The following AP4M1 variants were observed in gnomAD, a reference collection of about 807,000 sequenced individuals.
The protein encoded by AP4M1 is adaptor related protein complex 4 subunit mu 1.
AP4M1 carries 58 observed loss-of-function variants against 62.4 expected under a neutral mutation model. The ratio of observed to expected loss-of-function variants is 0.93; its 90% CI spans 0.75 to 1.16. The LOEUF (loss-of-function observed/expected upper bound fraction) is 1.16. Among genes scored for constraint, AP4M1 ranks in the 50% most tolerant of loss-of-function variants. The probability of loss-of-function intolerance (pLI) is 0.00; values close to 1 mark genes in which losing one functional copy is unlikely to be tolerated. For synonymous variants in AP4M1, 290 were observed against 239.7 expected (o/e 1.21, Z -1.94); for missense variants, 626 against 585.4 (o/e 1.07, Z -0.72).
rs1356768372 is a variant in AP4M1, at chr7:100,103,364, C to G, written c.352-45C>G. 4 of 1,545,496 alleles carry G rather than the reference C, an allele frequency of 2.6e-6. No individual in the cohort carries two copies. In the Admixed American group the frequency reaches 5.0e-5, roughly 19 times the overall value. On this transcript the variant is annotated intron_variant, in intron 4 of 14. Transcript: ENST00000359593. ...CCTGGCCCCACTCCCCCTCTTTACC[C>G]CTTCCCTCCACTGATCACTCAGACT... is the stretch of plus-strand genomic sequence containing the variant.
At chr7:100,105,831 CTT>C (rs1796425306) in intron 11 of AP4M1, 126 bp from the exon 12 acceptor site, 15 of 1,164,816 alleles carry the variant, frequency 1.3e-5, no homozygotes, top group Non-Finnish European at 1.8e-5. Flanking sequence ...TTGGGCTGGG[CTT>C]CAGCCCTTTT....
At position 100,108,347 on chromosome 7, in the gene AP4M1, C is replaced by T; in HGVS notation, c.*1465C>T. On this transcript the variant is annotated 3_prime_UTR_variant, in exon 15 of 15. Transcript: ENST00000359593. ...TCTCCTCTGCTTCCTCCTATTCCTC[C>T]TCCCCACCCGGCCACGGACCTGCGT... 6.3e-7 allele frequency: 1 copy of T among 1,586,364 alleles called. No individual in the cohort carries two copies. The highest frequency in any genetic ancestry group is 8.6e-7 in the Non-Finnish European group (1 of 1,163,310).
rs377178447 is a variant in AP4M1 at position 100,102,747 on chromosome 7, G to T, written c.220G>T (p.Val74Phe). The change falls in exon 3 of 15, where the codon GTT becomes TTT. Residue 74 changes from valine to phenylalanine, a missense_variant. Physicochemically the swap from Val to Phe is conservative, Grantham distance 50. Transcript: ENST00000359593. ...LYLVVTTSEN[V>F]SPFSLLELLS... ...TTTGGTGGTCACAACTTCAGAAAACGTTTCTCCCTTCAGCCTCCTAGAACT... is the reference window on the plus strand; with the variant it reads ...TTTGGTGGTCACAACTTCAGAAAACTTTTCTCCCTTCAGCCTCCTAGAACT... 1.9e-6 allele frequency: 3 copies of T among 1,614,040 alleles called. No individual in the cohort carries two copies. The highest frequency in any genetic ancestry group is 1.1e-5 in the South Asian group (1 of 91,088).
chr7:100,101,387 C>A, upstream of AP4M1: 2 of 1,561,246 alleles, frequency 1.3e-6, no homozygotes, highest in South Asian at 1.1e-5. Context: ...TGTGGCCGGC[C>A]AACCGAAATT....
Position 100,108,123 on chromosome 7 carries a change from G to T in AP4M1, c.*1241G>T. On this transcript the variant is annotated 3_prime_UTR_variant, in exon 15 of 15. Transcript: ENST00000359593. ...TGCGAGAGGGTCAGCGTGGGCCGGG[G>T]CTGCGGGGAGAAGAGGAAAGGGGGA... 6.3e-7 allele frequency: 1 copy of T among 1,593,810 alleles called. No individual in the cohort carries two copies. Among genetic ancestry groups the T allele is most frequent in the Non-Finnish European group, 8.5e-7 (1 of 1,173,126 alleles).
At position 100,106,349 on chromosome 7, in the gene AP4M1, C is replaced by T. The variant is rs1487862653; in HGVS notation, c.1026-54C>T. On this transcript the variant is annotated intron_variant, in intron 13 of 14. Transcript: ENST00000359593. Reference sequence around the variant, plus strand: ...TGGGGAGAGAGTGAGCTCAGCATGACGGGTCTGCCTCAAGAAGGTGCCAAG... The same window carrying T: ...TGGGGAGAGAGTGAGCTCAGCATGATGGGTCTGCCTCAAGAAGGTGCCAAG... The T allele has an allele frequency of 4.2e-5, 67 of 1,612,202 alleles. No individual in the cohort carries two copies. The Middle Eastern group carries it at 6.6e-4, about 16-fold the overall frequency.
chr7:100,108,834 G>C lies in AP4M1; in HGVS notation c.*1952G>C. On this transcript the variant is annotated 3_prime_UTR_variant, in exon 15 of 15. Transcript: ENST00000359593. ...TGGATCACTTGAGGTCAAGAGCCTG[G>C]CCAAAATGGAGAAACCTCATCTCCA... 3.8e-6 allele frequency: 1 copy of C among 263,842 alleles called. No individual in the cohort carries two copies. Among genetic ancestry groups the C allele is most frequent in the Non-Finnish European group, 7.2e-6 (1 of 139,356 alleles). The allele number at this position is 263,842 out of a possible 1,614,324, so 16.3% of individuals were successfully genotyped here.
intron 2 of AP4M1, chr7:100,102,266 C>A: frequency 1.8e-6 from 1 of 570,634 alleles, no homozygotes; most frequent in Non-Finnish European, 3.1e-6. Flanking sequence ...TGGCGGGCGC[C>A]TGTAATCCCA....
chr7:100,104,272 C>A (rs1796292879), intron 7 of AP4M1, 118 bp downstream of exon 7: 14 of 883,390 alleles, frequency 1.6e-5, no homozygotes, highest in Non-Finnish European at 2.6e-5. Context: ...AATCCCAGTG[C>A]TTTGGGAGGC....
chr7:100,101,888 G>A lies in AP4M1; in HGVS notation c.67G>A (p.Asp23Asn), dbSNP rs759821383. Residue 23 changes from aspartate (D) to asparagine (N), a missense_variant, in exon 2 of 15, where the codon GAC (aspartate) becomes AAC (asparagine). Physicochemically the swap from Asp to Asn is conservative, Grantham distance 23. Transcript: ENST00000359593. ...GTCCTTCCACCCGCCAGTCCGCGGGGACAGTGGCGGCCGGGATGTGGCCGA... is the reference window on the plus strand; with the variant it reads ...GTCCTTCCACCCGCCAGTCCGCGGGAACAGTGGCGGCCGGGATGTGGCCGA... Reference protein sequence around the residue: ...DPLIYKDFRGDSGGRDVAELF... With the variant: ...DPLIYKDFRGNSGGRDVAELF... The A allele has an allele frequency of 1.2e-6, 2 of 1,613,140 alleles. No individual in the cohort carries two copies. The highest frequency in any genetic ancestry group is 1.7e-6 in the Non-Finnish European group (2 of 1,179,966).
At chr7:100,100,843 C>T, upstream of AP4M1, 1 of 1,016,512 alleles carries the variant, frequency 9.8e-7, no homozygotes, top group Non-Finnish European at 1.2e-6. Context: ...CGCGCAGCGG[C>T]CCCGGCCTGC....
In AP4M1 at chr7:100,107,736, C is replaced by G; in HGVS notation, c.*854C>G. Reference sequence around the variant, plus strand: ...TGAACAAGTTGTTCCTGTAGTTCACCCTGTAGACAGCTATGGCTGGAGACC... The same window carrying G: ...TGAACAAGTTGTTCCTGTAGTTCACGCTGTAGACAGCTATGGCTGGAGACC... On this transcript the variant is annotated 3_prime_UTR_variant, in exon 15 of 15. Coordinates refer to ENST00000359593, the MANE Select transcript of AP4M1 (RefSeq NM_004722.4). The G allele has an allele frequency of 6.8e-7, 1 of 1,475,614 alleles. No individual in the cohort carries two copies. Among genetic ancestry groups the G allele is most frequent in the Non-Finnish European group, 9.1e-7 (1 of 1,104,848 alleles). 91.4% of individuals were successfully genotyped at this position (1,475,614 alleles called of 1,614,324 possible). A position where few individuals can be genotyped will look rare whatever the true frequency, so the allele number is the denominator to read the frequency against.
chr7:100,106,957 T>C lies in AP4M1; in HGVS notation c.*75T>C, dbSNP rs1038917646. On this transcript the variant is annotated 3_prime_UTR_variant, in exon 15 of 15. Transcript: ENST00000359593. ...GAGGACAGTCGTTTCTTTTCCAGCC[T>C]CCTGGCCTTCGGACTCTGAATCTGG... The C allele has an allele frequency of 1.5e-5, 23 of 1,484,840 alleles. No individual in the cohort carries two copies. The highest frequency in any genetic ancestry group is 2.0e-5 in the Non-Finnish European group (22 of 1,098,208). The allele number at this position is 1,484,840 out of a possible 1,614,324, so 92.0% of individuals were successfully genotyped here. A position where few individuals can be genotyped will look rare whatever the true frequency, so the allele number is the denominator to read the frequency against.
At position 100,101,757 on chromosome 7, in the gene AP4M1, C is replaced by G; in HGVS notation, c.43C>G (p.Leu15Val). 2.5e-6 allele frequency: 4 copies of G among 1,603,330 alleles called. No individual in the cohort carries two copies. Among genetic ancestry groups the G allele is most frequent in the Non-Finnish European group, 3.4e-6 (4 of 1,173,242 alleles). Residue 15 changes from leucine to valine, a missense_variant, in exon 1 of 15, where the codon CTC (leucine) becomes GTC (valine). By Grantham distance (32) the Leu-to-Val change is conservative. Coordinates refer to ENST00000359593, the MANE Select transcript of AP4M1 (RefSeq NM_004722.4). Reference protein sequence around the residue: ...FFILSSKGDPLIYKDFRGDSG... With the variant: ...FFILSSKGDPVIYKDFRGDSG... ...CATTCTGTCCTCCAAGGGGGACCCG[C>G]TCATCTACAAAGACTGTATCCTAGA...
In AP4M1 at chr7:100,108,429, C is replaced by T; in HGVS notation, c.*1547C>T. On this transcript the variant is annotated 3_prime_UTR_variant, in exon 15 of 15. Coordinates refer to ENST00000359593, the MANE Select transcript of AP4M1 (RefSeq NM_004722.4). Reference sequence around the variant, plus strand: ...GCCTGCAGAGCAGCCTGGGCCCGAGCCTTGACCACCTGGGAGCAGAGGAGG... The same window carrying T: ...GCCTGCAGAGCAGCCTGGGCCCGAGTCTTGACCACCTGGGAGCAGAGGAGG... 6.2e-7 allele frequency: 1 copy of T among 1,613,882 alleles called. No homozygotes were observed. The highest frequency in any genetic ancestry group is 8.5e-7 in the Non-Finnish European group (1 of 1,179,826).
chr7:100,101,440 C>A, upstream of AP4M1: 3 of 1,097,202 alleles, frequency 2.7e-6, no homozygotes, highest in Admixed American at 4.0e-5. Flanking sequence ...CCACTGCGTG[C>A]GGGCCAATCG....
chr7:100,103,275 C>T, intron 4 of AP4M1, 134 bp from the exon 5 acceptor site: 3 of 806,346 alleles, frequency 3.7e-6, no homozygotes, highest in South Asian at 2.9e-5. Context: ...AACTCATGGC[C>T]TCAAGCCATT....
At chr7:100,105,785 A>AG (rs1491513283) in intron 11 of AP4M1, among the ~76,000 whole-genome samples, 174 bp from the exon 12 acceptor site, 1 of 28,048 alleles carries the variant, frequency 3.6e-5, no homozygotes, top group African/African-American at 9.7e-5. Context: ...CATCTCTCTG[A>AG]AAAAAAAAAA....
Position 100,103,658 on chromosome 7 carries a change from C to T in AP4M1, c.509C>T (p.Ala170Val). The part of the protein sequence containing the change: ...QQSKVAPSSA[A>V]SRPVLSSRSD... Reference sequence around the variant, plus strand: ...AGCAAAGTGGCCCCCAGCAGTGCAGCCAGCCGCCCCGTCCTGTCCAGTCGC... The same window carrying T: ...AGCAAAGTGGCCCCCAGCAGTGCAGTCAGCCGCCCCGTCCTGTCCAGTCGC... The change falls in exon 6 of 15, where the codon GCC (alanine) becomes GTC (valine). Residue 170 changes from alanine to valine, a missense_variant. Transcript: ENST00000359593. The T allele has an allele frequency of 1.2e-6, 2 of 1,613,344 alleles. No individual in the cohort carries two copies. Among genetic ancestry groups the T allele is most frequent in the Non-Finnish European group, 1.7e-6 (2 of 1,180,030 alleles).
Sources: gnomAD v4.1 joint callset for allele counts (sites outside exome capture counted in the v4.1 genomes callset) on GRCh38, gnomAD v4.1.1 for gene constraint, MANE v1.5 for transcripts, NCBI Gene and HGNC (gene_info 2026-07-23, HGNC 2026-07-21) for gene names.